CLSTN1: variants seen among roughly 807,000 people sequenced by gnomAD.
The protein encoded by CLSTN1 is calsyntenin 1, also known as calsyntenin-1.
Under a neutral mutation model 108.3 loss-of-function variants are expected in CLSTN1, and 28 were observed. That is an observed-to-expected ratio of 0.26 (90% CI 0.19 to 0.35). CLSTN1 has a LOEUF of 0.35. Ranked by LOEUF, CLSTN1 falls within the 10% of genes least tolerant of loss-of-function variation. CLSTN1 has a pLI of 1.00. For synonymous variants in CLSTN1, 524 were observed against 534.9 expected (o/e 0.98, Z 0.28); for missense variants, 1,157 against 1,302.6 (o/e 0.89, Z 1.72).
intron 2 of CLSTN1, among the ~76,000 whole-genome samples, chr1:9,762,502 G>A (rs1280223045): frequency 1.4e-5 from 2 of 141,424 alleles, no homozygotes; most frequent in East Asian, 1.9e-4. Context: ...GCCAAGCAGC[G>A]ACTATCCACT....
chr1:9,772,733 CTT>C (rs1035548131), intron 2 of CLSTN1, among the ~76,000 whole-genome samples: 3 of 152,194 alleles, frequency 2.0e-5, no homozygotes, highest in Non-Finnish European at 4.4e-5. Context: ...AATCTCATGT[CTT>C]TAAAATTCAC....
rs1557695134 is a variant in CLSTN1, at chr1:9,744,628, G to GT, written c.1000dup (p.Thr334AsnfsTer31). 6.2e-7 allele frequency: 1 copy of GT among 1,610,888 alleles called. No homozygotes were observed. Among genetic ancestry groups the GT allele is most frequent in the East Asian group, 2.2e-5 (1 of 44,842 alleles). On this transcript the variant is annotated frameshift_variant, in exon 8 of 19. Coordinates refer to ENST00000377298, the MANE Select transcript of CLSTN1 (RefSeq NM_001009566.3). LOFTEE classifies it high-confidence loss of function. ...ACTCGGGGATGGCAGCAGCTCGGCAGTGCCCGCGGCCGCACCTGAAGCCAC... is the reference window on the plus strand; with the variant it reads ...ACTCGGGGATGGCAGCAGCTCGGCAGTTGCCCGCGGCCGCACCTGAAGCCAC...
In CLSTN1 at chr1:9,750,715, C is replaced by CAAAAAAAAAAAAAA. The variant is rs775430059; in HGVS notation, c.649+744_649+757dup. Among the ~76,000 whole-genome samples, 103 of 76,936 alleles carry CAAAAAAAAAAAAAA rather than the reference C, an allele frequency of 1.3e-3. 1 individual carries two copies. The highest frequency in any genetic ancestry group is 8.8e-3 in the Middle Eastern group (1 of 114). The allele number at this position is 76,936 out of a possible 152,430, so 50.5% of individuals were successfully genotyped here. A position where few individuals can be genotyped will look rare whatever the true frequency, so the allele number is the denominator to read the frequency against. On this transcript the variant is annotated intron_variant, in intron 5 of 18. Coordinates refer to ENST00000377298, the MANE Select transcript of CLSTN1 (RefSeq NM_001009566.3). Reference sequence around the variant, plus strand: ...CGACAGAGCAAGACCTTCCCTCAAACAAAAAAAAAAAAAAAAAAGATGTCA... The same window carrying CAAAAAAAAAAAAAA: ...CGACAGAGCAAGACCTTCCCTCAAACAAAAAAAAAAAAAAAAAAAAAAAAAAAAAAAAGATGTCA...
At chr1:9,747,132 T>C (rs747128926) in intron 7 of CLSTN1, among the ~76,000 whole-genome samples, 14 of 143,088 alleles carry the variant, frequency 9.8e-5, no homozygotes, top group African/African-American at 2.7e-4. Flanking sequence ...GTGAGTGAGA[T>C]TGCGCCACTG....
Position 9,737,536 on chromosome 1 carries a change from T to C in CLSTN1, c.1538A>G (p.Asn513Ser), listed in dbSNP as rs766710441. 3.1e-6 allele frequency: 5 copies of C among 1,614,052 alleles called. No homozygotes were observed. Among genetic ancestry groups the C allele is most frequent in the South Asian group, 2.2e-5 (2 of 91,082 alleles). ...ACWQEFSGVE[N>S]DNETEPVTVA... ...AGTCACAGGCTCAGTTTCATTGTCA[T>C]TTTCAACTCCTGAAAACTCTGTGGA... Residue 513 changes from asparagine to serine, a missense_variant, in exon 11 of 19, where the codon AAT becomes AGT. Physicochemically the swap from Asn to Ser is conservative, Grantham distance 46 (BLOSUM62 1). Transcript: ENST00000377298.
chr1:9,748,640 G>A (rs889351369), intron 7 of CLSTN1, among the ~76,000 whole-genome samples: 2 of 151,920 alleles, frequency 1.3e-5, no homozygotes, highest in African/African-American at 2.4e-5. Flanking sequence ...GGCGTGCACC[G>A]CCATGCCCGG....
intron 7 of CLSTN1, among the ~76,000 whole-genome samples, chr1:9,745,998 G>C (rs936114070): frequency 6.6e-6 from 1 of 151,842 alleles, no homozygotes; most frequent in Admixed American, 6.6e-5. Flanking sequence ...CAACTACTGG[G>C]CTCAAGCGAT....
Position 9,767,437 on chromosome 1 carries a change from C to T in CLSTN1, c.214+5835G>A, listed in dbSNP as rs763461987. Among the ~76,000 whole-genome samples the T allele has an allele frequency of 5.1e-4, 77 of 150,838 alleles. 3 individuals are homozygous for T. Among genetic ancestry groups the T allele is most frequent in the Non-Finnish European group, 2.4e-4 (16 of 67,860 alleles). Reference sequence around the variant, plus strand: ...GCATGCACTTGTAGTCCCAGCTACTCGGGAGGCTGAGGCAGGAGAATTGCT... The same window carrying T: ...GCATGCACTTGTAGTCCCAGCTACTTGGGAGGCTGAGGCAGGAGAATTGCT... On this transcript the variant is annotated intron_variant, in intron 2 of 18. Transcript: ENST00000377298.
chr1:9,767,879 G>A (rs1652426101), intron 2 of CLSTN1, among the ~76,000 whole-genome samples: 2 of 152,160 alleles, frequency 1.3e-5, no homozygotes, highest in Admixed American at 1.3e-4. Flanking sequence ...GATTCTATTA[G>A]TAGTAATAAC....
chr1:9,739,381 C>T (rs1375766970), intron 10 of CLSTN1, among the ~76,000 whole-genome samples: 1 of 152,160 alleles, frequency 6.6e-6, no homozygotes, highest in East Asian at 1.9e-4. Context: ...CATAAAGTAC[C>T]ACTGGTGTTA....
chr1:9,823,743 G>C lies in CLSTN1; in HGVS notation c.-10C>G. On this transcript the variant is annotated 5_prime_UTR_variant, in exon 1 of 19. Transcript: ENST00000377298. This position sits in a 1 kb window ranked among gnomAD's most constrained non-coding sequence, Gnocchi z 6.3. ...CGGGGCGGCGCAGCATCGCCAGCCCGGGGCGGGAGCGGCAGGGAGGCGCGC... is the reference window on the plus strand; with the variant it reads ...CGGGGCGGCGCAGCATCGCCAGCCCCGGGCGGGAGCGGCAGGGAGGCGCGC... 2 of 1,045,130 alleles carry C rather than the reference G, an allele frequency of 1.9e-6. No individual in the cohort carries two copies. The highest frequency in any genetic ancestry group is 1.7e-5 in the African/African-American group (1 of 58,354). 64.7% of individuals were successfully genotyped at this position (1,045,130 alleles called of 1,614,324 possible).
intron 1 of CLSTN1, among the ~76,000 whole-genome samples, chr1:9,788,544 G>T (rs1653602245): frequency 6.6e-6 from 1 of 150,628 alleles, no homozygotes. Flanking sequence ...CTCCAGCCTG[G>T]GTGACAGAGT....
chr1:9,782,118 A>T (rs1653279180), intron 1 of CLSTN1, among the ~76,000 whole-genome samples: 1 of 152,156 alleles, frequency 6.6e-6, no homozygotes, highest in East Asian at 1.9e-4. Flanking sequence ...AAGAATACTT[A>T]GTTTTTTAAA....
At chr1:9,741,001 G>A in intron 10 of CLSTN1, 93 bp downstream of exon 10, 1 of 1,366,788 alleles carries the variant, frequency 7.3e-7, no homozygotes, top group Non-Finnish European at 1.0e-6. Flanking sequence ...CGAGGGTAAG[G>A]CTGTAGGATA....
intron 2 of CLSTN1, among the ~76,000 whole-genome samples, chr1:9,769,792 C>T (rs531175919): frequency 6.6e-6 from 1 of 152,158 alleles, no homozygotes; most frequent in South Asian, 2.1e-4. Context: ...CCTATAATCC[C>T]AGCATTTTGG....
intron 1 of CLSTN1, among the ~76,000 whole-genome samples, chr1:9,816,689 C>T (rs1341627590): frequency 6.6e-6 from 1 of 152,072 alleles, no homozygotes; most frequent in Non-Finnish European, 1.5e-5. Context: ...TCTTGTTGCC[C>T]AGGCTGGAGT....
chr1:9,808,331 T>A (rs1654591483), intron 1 of CLSTN1, among the ~76,000 whole-genome samples: 1 of 152,236 alleles, frequency 6.6e-6, no homozygotes. Context: ...TGGGTGAGCG[T>A]GAACGCATGT....
chr1:9,787,455 G>T (rs933229927), intron 1 of CLSTN1, among the ~76,000 whole-genome samples: 2 of 143,402 alleles, frequency 1.4e-5, no homozygotes, highest in Admixed American at 1.5e-4. Flanking sequence ...CCAGCCTGGA[G>T]TGCAGTGGTG....
In CLSTN1 at chr1:9,818,003, CTTTTT is replaced by C. The variant is rs35244076; in HGVS notation, c.91+5635_91+5639del. 1.2e-4 allele frequency among the ~76,000 whole-genome samples: 11 copies of C among 89,108 alleles called. No individual in the cohort carries two copies. In the East Asian group the frequency reaches 2.0e-3, roughly 16 times the overall value. 58.5% of individuals were successfully genotyped at this position (89,108 alleles called of 152,430 possible). A position where few individuals can be genotyped will look rare whatever the true frequency, so the allele number is the denominator to read the frequency against. ...CACTTTTGAGGGTCTGTTAGTTTGGCTTTTTTTTTTTTTTTTTTTTAGAGACAGAG... is the reference window on the plus strand; with the variant it reads ...CACTTTTGAGGGTCTGTTAGTTTGGCTTTTTTTTTTTTTTTAGAGACAGAG... On this transcript the variant is annotated intron_variant, in intron 1 of 18. Transcript: ENST00000377298.
Sources: gnomAD v4.1 joint callset for allele counts (sites outside exome capture counted in the v4.1 genomes callset) on GRCh38, gnomAD v4.1.1 for gene constraint, Gnocchi (gnomAD v3.1) non-coding constraint, MANE v1.5 for transcripts, NCBI Gene and HGNC (gene_info 2026-07-23, HGNC 2026-07-21) for gene names.